Variants in SNTA1 observed in about 807,000 individuals in gnomAD.
The protein encoded by SNTA1 is syntrophin alpha 1, also known as alpha-1-syntrophin.
In SNTA1, 31 loss-of-function variants were observed where a neutral mutation model predicts 47.1. The ratio of observed to expected loss-of-function variants is 0.66; its 90% CI spans 0.49 to 0.89. The LOEUF is 0.89. Ranked by LOEUF, SNTA1 falls within the 40% of genes least tolerant of loss-of-function variation. The probability of loss-of-function intolerance (pLI) is 0.00; values close to 1 mark genes in which losing one functional copy is unlikely to be tolerated. For missense variants in SNTA1, 575 were observed against 693.0 expected (o/e 0.83, Z 1.91); for synonymous variants, 300 against 313.6 (o/e 0.96, Z 0.46).
chr20:33,418,895 C>T (rs1270029304), intron 2 of SNTA1, among the ~76,000 whole-genome samples: 1 of 149,384 alleles, frequency 6.7e-6, no homozygotes, highest in Non-Finnish European at 1.5e-5. Context: ...GTGTGGATCA[C>T]TTGATGTCAG....
chr20:33,412,657 T>C lies in SNTA1; in HGVS notation c.827A>G (p.Lys276Arg). Reference protein sequence around the residue: ...AQVNTLTPRVKDELQALLAAT... With the variant: ...AQVNTLTPRVRDELQALLAAT... The stretch of plus-strand genomic sequence containing the variant: ...TGCCAACAGTGCCTGCAGCTCATCC[T>C]TGACCCGCGGCGTCAGAGTATTGAC... Residue 276 changes from lysine (K) to arginine (R), a missense_variant, in exon 4 of 8, where the codon AAG (lysine) becomes AGG (arginine). Lys to Arg is a conservative substitution (Grantham distance 26, BLOSUM62 2). Transcript: ENST00000217381. The C allele has an allele frequency of 1.2e-6, 2 of 1,613,976 alleles. No homozygotes were observed. Among genetic ancestry groups the C allele is most frequent in the Non-Finnish European group, 1.7e-6 (2 of 1,180,026 alleles).
chr20:33,412,908 G>T (rs903283316), intron 3 of SNTA1, 126 bp from the exon 4 acceptor site: 2 of 714,592 alleles, frequency 2.8e-6, no homozygotes, highest in South Asian at 3.0e-5. Flanking sequence ...AGAGAATCAG[G>T]AGCAACCCTC....
At position 33,408,828 on chromosome 20, in the gene SNTA1, A is replaced by T. The variant is rs1568745975; in HGVS notation, c.1298T>A (p.Leu433Gln). The T allele has an allele frequency of 1.2e-6, 2 of 1,614,182 alleles. No homozygotes were observed. The highest frequency in any genetic ancestry group is 4.5e-5 in the East Asian group (2 of 44,880). Reference sequence around the variant, plus strand: ...GGCTGCACCTGGCTCAGCCGCCCACAGTGTGAAGCCCTTGTCGATGTGCAC... The same window carrying T: ...GGCTGCACCTGGCTCAGCCGCCCACTGTGTGAAGCCCTTGTCGATGTGCAC... ...LSVHIDKGFT[L>Q]WAAEPGAARA... Residue 433 changes from leucine to glutamine, a missense_variant, in exon 7 of 8, where the codon CTG becomes CAG. Transcript: ENST00000217381.
chr20:33,432,702 A>AT (rs1015371930), intron 2 of SNTA1, among the ~76,000 whole-genome samples: 7 of 152,002 alleles, frequency 4.6e-5, no homozygotes, highest in Admixed American at 3.9e-4. Flanking sequence ...GTTTCTATTA[A>AT]TTTTTTTTAA....
intron 1 of SNTA1, 31 bp from the exon 2 acceptor site, chr20:33,439,057 A>C: frequency 6.3e-7 from 1 of 1,590,594 alleles, no homozygotes; most frequent in South Asian, 1.1e-5. Context: ...GACAAGACTT[A>C]GGCAGATACT....
chr20:33,443,117 C>G (rs1419344284), intron 1 of SNTA1, among the ~76,000 whole-genome samples, 194 bp downstream of exon 1: 1 of 151,934 alleles, frequency 6.6e-6, no homozygotes, highest in Non-Finnish European at 1.5e-5. Flanking sequence ...CTTCCGTGCC[C>G]CCTAAGGCCA....
In SNTA1 at chr20:33,443,750, G is replaced by A. The variant is rs1990642559; in HGVS notation, c.-130C>T. The A allele has an allele frequency of 4.5e-6, 2 of 444,852 alleles. No individual in the cohort carries two copies. The highest frequency in any genetic ancestry group is 5.3e-5 in the Admixed American group (1 of 18,776). 27.6% of individuals were successfully genotyped at this position (444,852 alleles called of 1,614,324 possible). ...CAGCCGCCACCCTACCCCGGCCGCT[G>A]GGGGAGGAGCTCTGGGGGCGGGGCT... On this transcript the variant is annotated 5_prime_UTR_variant, in exon 1 of 8. Transcript: ENST00000217381.
chr20:33,410,712 C>T (rs544513685), intron 5 of SNTA1, among the ~76,000 whole-genome samples: 2 of 152,206 alleles, frequency 1.3e-5, no homozygotes, highest in Non-Finnish European at 2.9e-5. Flanking sequence ...CAAAATAGCA[C>T]CCTTGTCACT....
chr20:33,408,446 G>T lies in SNTA1; in HGVS notation c.*61C>A. 8.1e-7 allele frequency: 1 copy of T among 1,227,492 alleles called. No homozygotes were observed. The highest frequency in any genetic ancestry group is 1.2e-6 in the Non-Finnish European group (1 of 831,102). The allele number at this position is 1,227,492 out of a possible 1,614,324, so 76.0% of individuals were successfully genotyped here. A position where few individuals can be genotyped will look rare whatever the true frequency, so the allele number is the denominator to read the frequency against. On this transcript the variant is annotated 3_prime_UTR_variant, in exon 8 of 8. Transcript: ENST00000217381. ...CCCAGGGGTGAGCAGGCAGTCGGTG[G>T]AGGCCCAGCTCAGGCCATGTCATGG...
intron 4 of SNTA1, 21 bp downstream of exon 4, chr20:33,412,554 G>T: frequency 3.7e-6 from 6 of 1,610,428 alleles, no homozygotes; most frequent in Non-Finnish European, 5.1e-6. Context: ...GAGAGGGATA[G>T]GTCCCAGGCC....
intron 2 of SNTA1, among the ~76,000 whole-genome samples, chr20:33,423,361 G>A (rs761620668): frequency 6.6e-5 from 10 of 152,110 alleles, no homozygotes; most frequent in African/African-American, 9.7e-5. Context: ...TGAGTCACCC[G>A]ACAAGGCAGG....
chr20:33,408,417 T>C lies in SNTA1; in HGVS notation c.*90A>G. On this transcript the variant is annotated 3_prime_UTR_variant, in exon 8 of 8. Coordinates refer to ENST00000217381, the MANE Select transcript of SNTA1 (RefSeq NM_003098.3). ...CCTTGTTCCTCTCCTCTCCCTTCCC[T>C]CAGCCCAGGGGTGAGCAGGCAGTCG... The C allele has an allele frequency of 2.1e-6, 2 of 939,756 alleles. No homozygotes were observed. Among genetic ancestry groups the C allele is most frequent in the Non-Finnish European group, 3.5e-6 (2 of 579,176 alleles). 58.2% of individuals were successfully genotyped at this position (939,756 alleles called of 1,614,324 possible).
intron 2 of SNTA1, among the ~76,000 whole-genome samples, chr20:33,427,062 CAAAAA>C (rs914615779): frequency 1.6e-5 from 1 of 61,064 alleles, no homozygotes; most frequent in African/African-American, 5.2e-5. Context: ...AACCCTGTCT[CAAAAA>C]AAAAAAAAAA....
chr20:33,440,747 G>A (rs1406235367), intron 1 of SNTA1, among the ~76,000 whole-genome samples: 1 of 152,228 alleles, frequency 6.6e-6, no homozygotes, highest in Non-Finnish European at 1.5e-5. Flanking sequence ...GAACCCAGGA[G>A]GTGGAGATTG....
At chr20:33,428,249 A>G (rs1377885791) in intron 2 of SNTA1, among the ~76,000 whole-genome samples, 1 of 152,026 alleles carries the variant, frequency 6.6e-6, no homozygotes, top group African/African-American at 2.4e-5. Context: ...CTCCACAAAA[A>G]GCACAAAAAT....
At chr20:33,419,743 T>C (rs1989973485) in intron 2 of SNTA1, among the ~76,000 whole-genome samples, 1 of 152,122 alleles carries the variant, frequency 6.6e-6, no homozygotes, top group African/African-American at 2.4e-5. Context: ...GAATCTTGAT[T>C]GGTCAAATCA....
chr20:33,415,374 G>A (rs576658392), intron 3 of SNTA1, among the ~76,000 whole-genome samples: 7 of 152,256 alleles, frequency 4.6e-5, no homozygotes, highest in African/African-American at 1.4e-4. Context: ...AGGCCCTTCC[G>A]GGCCGGGCAT....
At chr20:33,410,515 C>G (rs1989715196) in intron 5 of SNTA1, among the ~76,000 whole-genome samples, 184 bp from the exon 6 acceptor site, 1 of 152,240 alleles carries the variant, frequency 6.6e-6, no homozygotes, top group African/African-American at 2.4e-5. Flanking sequence ...CCCGTCACTC[C>G]CTTGGCTCTG....
chr20:33,420,778 G>C (rs1989997885), intron 2 of SNTA1, among the ~76,000 whole-genome samples: 2 of 152,022 alleles, frequency 1.3e-5, no homozygotes, highest in African/African-American at 4.8e-5. Flanking sequence ...TCAGGAGTTT[G>C]AGACGAGCCT....
Sources: allele counts gnomAD v4.1 joint callset (sites outside exome capture counted in the v4.1 genomes callset), GRCh38; gene constraint gnomAD v4.1.1; transcripts MANE v1.5; gene names NCBI Gene and HGNC (gene_info 2026-07-23, HGNC 2026-07-21).